The following LTK variants were observed in gnomAD, a reference collection of about 807,000 sequenced individuals.
LTK encodes the protein leukocyte tyrosine kinase receptor.
Under a neutral mutation model 101.5 loss-of-function variants are expected in LTK, and 117 were observed. The observed-to-expected ratio is 1.15, with a 90% CI of 0.99 to 1.34. The LOEUF is 1.34. Among genes scored for constraint, LTK ranks in the 40% most tolerant of loss-of-function variants. The pLI is 0.00. For missense variants in LTK, 1,252 were observed against 1,164.7 expected (o/e 1.07, Z -1.09); for synonymous variants, 563 against 494.2 (o/e 1.14, Z -1.85).
chr15:41,511,382 G>A lies in LTK; in HGVS notation c.815-36C>T, dbSNP rs577397228. 26 of 1,365,910 alleles carry A rather than the reference G, an allele frequency of 1.9e-5. No homozygotes were observed. In the African/African-American group the frequency reaches 2.5e-4, roughly 13 times the overall value. The allele number at this position is 1,365,910 out of a possible 1,614,324, so 84.6% of individuals were successfully genotyped here. On this transcript the variant is annotated intron_variant, in intron 6 of 19. Transcript: ENST00000263800. The surrounding 1 kb of genome is among the most constrained non-coding windows in gnomAD (Gnocchi z 5.9). ...ACAGCAGGAAGGTTGGCAGCCACAC[G>A]GGGAGCACGCCCGCCTCTCCCCGCG...
intron 10 of LTK, 71 bp from the exon 11 acceptor site, chr15:41,507,361 C>T (rs1463215453): frequency 6.8e-7 from 1 of 1,481,366 alleles, no homozygotes; most frequent in Non-Finnish European, 9.1e-7. Flanking sequence ...CTGCCCAGGA[C>T]ACCCCTCCAG....
chr15:41,508,569 AAAT>A lies in LTK; in HGVS notation c.1097-351_1097-349del, dbSNP rs1331928324. Among the ~76,000 whole-genome samples, 5 of 26,962 alleles carry A rather than the reference AAAT, an allele frequency of 1.9e-4. 1 individual carries two copies. The South Asian group carries it at 6.4e-3, about 34-fold the overall frequency. 17.7% of individuals were successfully genotyped at this position (26,962 alleles called of 152,430 possible). On this transcript the variant is annotated intron_variant, in intron 8 of 19. Coordinates refer to ENST00000263800, the MANE Select transcript of LTK (RefSeq NM_002344.6). Reference sequence around the variant, plus strand: ...GAGACTCTGTCTCAAAAATAAAAATAAATAAATAAATAAATAAATAAATAAATA... The same window carrying A: ...GAGACTCTGTCTCAAAAATAAAAATAAAATAAATAAATAAATAAATAAATA...
intron 3 of LTK, 24 bp from the exon 4 acceptor site, chr15:41,512,289 C>T (rs766066246): frequency 3.7e-6 from 6 of 1,603,852 alleles, no homozygotes; most frequent in South Asian, 3.3e-5. Flanking sequence ...ACGGTGAGTC[C>T]CCGGCCTTCG....
In LTK at chr15:41,512,859, C is replaced by T; in HGVS notation, c.207G>A (p.Leu69=). 1.2e-6 allele frequency: 2 copies of T among 1,611,614 alleles called. No individual in the cohort carries two copies. Among genetic ancestry groups the T allele is most frequent in the South Asian group, 1.1e-5 (1 of 90,942 alleles). The part of the protein sequence containing the change: ...LNSPGTEGSW[L]FSTCGASGRH... ...GGCCGCTGGCCCCGCAGGTAGAAAACAGCCAAGACCCCTCGGTGCCTGAGA... is the reference window on the plus strand; with the variant it reads ...GGCCGCTGGCCCCGCAGGTAGAAAATAGCCAAGACCCCTCGGTGCCTGAGA... The change falls in exon 3 of 20, where the codon CTG becomes CTA. Residue 69 remains leucine (L), a synonymous_variant. Coordinates refer to ENST00000263800, the MANE Select transcript of LTK (RefSeq NM_002344.6).
rs2051575815 is a variant in LTK, at chr15:41,513,776, T to A, written c.-67A>T. 2 of 1,417,398 alleles carry A rather than the reference T, an allele frequency of 1.4e-6. No individual in the cohort carries two copies. Among genetic ancestry groups the A allele is most frequent in the African/African-American group, 2.8e-5 (2 of 71,266 alleles). The allele number at this position is 1,417,398 out of a possible 1,614,324, so 87.8% of individuals were successfully genotyped here. ...GGCCACACCCCTGTCAACCTAAAGT[T>A]GACAGCTCATTTTGCCACGGCAGCC... On this transcript the variant is annotated 5_prime_UTR_variant, in exon 1 of 20. Transcript: ENST00000263800.
In LTK at chr15:41,504,354, C is replaced by T. The variant is rs1355175589; in HGVS notation, c.2334G>A (p.Gln778=). Residue 778 remains glutamine (Q), a synonymous_variant, in exon 19 of 20, where the codon CAG becomes CAA. Coordinates refer to ENST00000263800, the MANE Select transcript of LTK (RefSeq NM_002344.6). ...GTCGGGGGCACACCTGAGTGCAGTA[C>T]TGCAGACGCTCCAAGATGCTGGCAA... is the stretch of plus-strand genomic sequence containing the variant. The part of the protein sequence containing the change: ...PSFASILERL[Q]YCTQDPDVLN... 6.2e-7 allele frequency: 1 copy of T among 1,614,154 alleles called. No individual in the cohort carries two copies. The highest frequency in any genetic ancestry group is 8.5e-7 in the Non-Finnish European group (1 of 1,180,028).
At position 41,511,835 on chromosome 15, in the gene LTK, G is replaced by GGC; in HGVS notation, c.638_639insGC (p.Ala214ProfsTer28). ...CACGTACCCGGAAAACGTAGGTGGC[G>GGC]CCCCCGCCACCCCCGCCACCTCCCG... is the stretch of plus-strand genomic sequence containing the variant. On this transcript the variant is annotated frameshift_variant, in exon 5 of 20. Coordinates refer to ENST00000263800, the MANE Select transcript of LTK (RefSeq NM_002344.6). LOFTEE classifies it high-confidence loss of function. This position sits in a 1 kb window ranked among gnomAD's most constrained non-coding sequence, Gnocchi z 5.9. 3.9e-5 allele frequency: 57 copies of GGC among 1,477,190 alleles called. No individual in the cohort carries two copies. The highest frequency in any genetic ancestry group is 4.6e-5 in the Non-Finnish European group (52 of 1,122,268). The allele number at this position is 1,477,190 out of a possible 1,614,324, so 91.5% of individuals were successfully genotyped here.
Position 41,505,410 on chromosome 15 carries a change from C to T in LTK, c.1818G>A (p.Arg606=), listed in dbSNP as rs781735995. Residue 606 remains arginine (R), a synonymous_variant, in exon 14 of 20, where the codon CGG becomes CGA. Transcript: ENST00000263800. ...GDMKSFLRHS[R]PHLGQPSPLV... is the part of the protein sequence containing the mutation. ...AAGACAAGGGTCTCACCAGGTGTGG[C>T]CGACTGTGCCTCAGGAAACTCTTCA... 36 of 1,613,842 alleles carry T rather than the reference C, an allele frequency of 2.2e-5. No homozygotes were observed. In the East Asian group the frequency reaches 6.2e-4, roughly 28 times the overall value.
chr15:41,511,446 TC>T lies in LTK; in HGVS notation c.789del (p.Ser264AlafsTer110). On this transcript the variant is annotated frameshift_variant, in exon 6 of 20. Coordinates refer to ENST00000263800, the MANE Select transcript of LTK (RefSeq NM_002344.6). LOFTEE classifies it high-confidence loss of function. This position sits in a 1 kb window ranked among gnomAD's most constrained non-coding sequence, Gnocchi z 5.9. ...EKLENRSEAP[G>X]SGGRGGAAGG... is the part of the protein sequence containing the mutation. ...CCTGCCGCCCCGCCTCTCCCGCCGC[TC>T]CCGGGCGCCTCCGAGCGGTTCTCCA... 1.4e-6 allele frequency: 2 copies of T among 1,396,906 alleles called. No homozygotes were observed. Among genetic ancestry groups the T allele is most frequent in the Non-Finnish European group, 1.8e-6 (2 of 1,081,466 alleles). 86.5% of individuals were successfully genotyped at this position (1,396,906 alleles called of 1,614,324 possible). A position where few individuals can be genotyped will look rare whatever the true frequency, so the allele number is the denominator to read the frequency against.
Position 41,511,213 on chromosome 15 carries a change from C to A in LTK, c.948G>T (p.Gly316=). ...CCGCAGTGCAGGCCCCGCCGCCGCC[C>A]CCGAAGCCGCCGGCCGCGGCCCAGC... ...TLGWAAAGGF[G]GGGGACTAGG... The change falls in exon 7 of 20, where the codon GGG becomes GGT. Residue 316 remains glycine (G), a synonymous_variant. Coordinates refer to ENST00000263800, the MANE Select transcript of LTK (RefSeq NM_002344.6). The surrounding 1 kb of genome is among the most constrained non-coding windows in gnomAD (Gnocchi z 5.9). 1 of 1,389,010 alleles carries A rather than the reference C, an allele frequency of 7.2e-7. No homozygotes were observed. Among genetic ancestry groups the A allele is most frequent in the Non-Finnish European group, 9.3e-7 (1 of 1,076,898 alleles). The allele number at this position is 1,389,010 out of a possible 1,614,324, so 86.0% of individuals were successfully genotyped here.
In LTK at chr15:41,505,383, C is replaced by T. The variant is rs75003184; in HGVS notation, c.1827+18G>A. On this transcript the variant is annotated intron_variant, in intron 14 of 19. Transcript: ENST00000263800. ...GGGTCTTTAGAGGGGCCTGGGGGGG[C>T]TAAGACAAGGGTCTCACCAGGTGTG... 7.5e-6 allele frequency: 12 copies of T among 1,602,152 alleles called. No homozygotes were observed. The East Asian group carries it at 2.3e-4, about 30-fold the overall frequency.
chr15:41,505,165 G>A (rs2051224359), intron 15 of LTK, 43 bp downstream of exon 15: 2 of 1,594,922 alleles, frequency 1.3e-6, no homozygotes, highest in African/African-American at 1.3e-5. Context: ...TCCTTGGGGA[G>A]GGAGTTGGGA....
At chr15:41,505,183 C>T (rs372303992) in intron 15 of LTK, 25 bp downstream of exon 15, 31 of 1,607,306 alleles carry the variant, frequency 1.9e-5, no homozygotes, top group Admixed American at 1.2e-4. Context: ...GGATGGGGGT[C>T]CCCTGAGCCA....
At position 41,511,453 on chromosome 15, in the gene LTK, C is replaced by T. The variant is rs549433051; in HGVS notation, c.783G>A (p.Ala261=). ...SPEKLENRSE[A]PGSGGRGGAA... is the part of the protein sequence containing the mutation. Reference sequence around the variant, plus strand: ...CCCCGCCTCTCCCGCCGCTCCCGGGCGCCTCCGAGCGGTTCTCCAGTTTCT... The same window carrying T: ...CCCCGCCTCTCCCGCCGCTCCCGGGTGCCTCCGAGCGGTTCTCCAGTTTCT... The change falls in exon 6 of 20, where the codon GCG becomes GCA. Residue 261 remains alanine, a synonymous_variant. Coordinates refer to ENST00000263800, the MANE Select transcript of LTK (RefSeq NM_002344.6). The surrounding 1 kb of genome is among the most constrained non-coding windows in gnomAD (Gnocchi z 5.9). The T allele has an allele frequency of 2.1e-6, 3 of 1,416,774 alleles. No homozygotes were observed. The highest frequency in any genetic ancestry group is 2.7e-6 in the Non-Finnish European group (3 of 1,091,596). The allele number at this position is 1,416,774 out of a possible 1,614,324, so 87.8% of individuals were successfully genotyped here. A position where few individuals can be genotyped will look rare whatever the true frequency, so the allele number is the denominator to read the frequency against.
Position 41,513,044 on chromosome 15 carries a change from G to A in LTK, c.120C>T (p.Ser40=). 3 of 1,612,382 alleles carry A rather than the reference G, an allele frequency of 1.9e-6. No homozygotes were observed. Among genetic ancestry groups the A allele is most frequent in the East Asian group, 2.2e-5 (1 of 44,874 alleles). Residue 40 remains serine (S), a synonymous_variant, in exon 2 of 20, where the codon AGC becomes AGT. Transcript: ENST00000263800. ...GGGCGCTGACTTTCGGGTCCCGGGG[G>A]CTGGGACTTGCCAGCGGCAGGGGCG... ...RSSPLPLASP[S]PRDPKVSAPP... is the part of the protein sequence containing the mutation.
chr15:41,511,983 G>A lies in LTK; in HGVS notation c.511-20C>T, dbSNP rs1386685570. 2 of 1,453,788 alleles carry A rather than the reference G, an allele frequency of 1.4e-6. No homozygotes were observed. The highest frequency in any genetic ancestry group is 1.5e-5 in the African/African-American group (1 of 68,102). The allele number at this position is 1,453,788 out of a possible 1,614,324, so 90.1% of individuals were successfully genotyped here. ...GCTACCCTGCGGGCAGCGGGGGAGG[G>A]AATCGGCGGGGCCCGGGAGCCTCCC... On this transcript the variant is annotated intron_variant, in intron 4 of 19. Transcript: ENST00000263800. This position sits in a 1 kb window ranked among gnomAD's most constrained non-coding sequence, Gnocchi z 5.9.
chr15:41,511,210 G>A lies in LTK; in HGVS notation c.951C>T (p.Gly317=). The A allele has an allele frequency of 7.2e-7, 1 of 1,382,946 alleles. No homozygotes were observed. Among genetic ancestry groups the A allele is most frequent in the Non-Finnish European group, 9.3e-7 (1 of 1,074,650 alleles). The allele number at this position is 1,382,946 out of a possible 1,614,324, so 85.7% of individuals were successfully genotyped here. The change falls in exon 7 of 20, where the codon GGC becomes GGT. Residue 317 remains glycine (G), a synonymous_variant. Coordinates refer to ENST00000263800, the MANE Select transcript of LTK (RefSeq NM_002344.6). The surrounding 1 kb of genome is among the most constrained non-coding windows in gnomAD (Gnocchi z 5.9). ...CGCCCGCAGTGCAGGCCCCGCCGCCGCCCCCGAAGCCGCCGGCCGCGGCCC... is the reference window on the plus strand; with the variant it reads ...CGCCCGCAGTGCAGGCCCCGCCGCCACCCCCGAAGCCGCCGGCCGCGGCCC... The part of the protein sequence containing the change: ...LGWAAAGGFG[G]GGGACTAGGG...
At position 41,504,530 on chromosome 15, in the gene LTK, G is replaced by C. The variant is rs756912054; in HGVS notation, c.2231C>G (p.Pro744Arg). The change falls in exon 18 of 20, where the codon CCT becomes CGT. Residue 744 changes from proline to arginine, a missense_variant. Physicochemically the swap from Pro to Arg is moderately radical, Grantham distance 103 (BLOSUM62 -2). Coordinates refer to ENST00000263800, the MANE Select transcript of LTK (RefSeq NM_002344.6). ...CACAGGCCCTGGGCAGCCCCTAGGA[G>C]GGTCCATCCGGCCTCCTCCAACGAC... ...DFVVGGGRMDPPRGCPGPVYR... is the reference protein window; with the variant it reads ...DFVVGGGRMDRPRGCPGPVYR... 5 of 1,613,598 alleles carry C rather than the reference G, an allele frequency of 3.1e-6. No individual in the cohort carries two copies. The highest frequency in any genetic ancestry group is 4.2e-6 in the Non-Finnish European group (5 of 1,179,926).
In LTK at chr15:41,507,241, AG is replaced by A. The variant is rs780209477; in HGVS notation, c.1394del (p.Pro465LeufsTer5). ...QGLQEMRLPS[P>X]ELELSKLRTS... is the part of the protein sequence containing the mutation. ...TTCGAAGCTTGCTCAGCTCAAGCTC[AG>A]GGCTCGGCAGCCTCATCTCCTGCAG... On this transcript the variant is annotated frameshift_variant, in exon 11 of 20. Coordinates refer to ENST00000263800, the MANE Select transcript of LTK (RefSeq NM_002344.6). LOFTEE classifies it high-confidence loss of function. The A allele has an allele frequency of 1.9e-6, 3 of 1,609,262 alleles. No individual in the cohort carries two copies. Among genetic ancestry groups the A allele is most frequent in the Admixed American group, 1.7e-5 (1 of 58,218 alleles).
Sources: gnomAD v4.1 joint callset for allele counts (sites outside exome capture counted in the v4.1 genomes callset) on GRCh38, gnomAD v4.1.1 for gene constraint, Gnocchi (gnomAD v3.1) non-coding constraint, MANE v1.5 for transcripts, NCBI Gene and HGNC (gene_info 2026-07-23, HGNC 2026-07-21) for gene names.